KDM2B: variants seen among roughly 807,000 people sequenced by gnomAD.
The protein encoded by KDM2B is lysine-specific demethylase 2B.
KDM2B carries 26 observed loss-of-function variants against 150.0 expected under a neutral mutation model. The observed-to-expected ratio is 0.17, with a 90% confidence interval of 0.13 to 0.24. The LOEUF (loss-of-function observed/expected upper bound fraction) is 0.24, where lower values mean the gene tolerates loss of function less well. Among genes scored for constraint, KDM2B ranks in the 10% least tolerant of loss-of-function variants. The pLI is 1.00. For synonymous variants in KDM2B, 734 were observed against 729.5 expected, an observed-to-expected ratio of 1.01 and a Z score of -0.10; for missense variants, 1,265 against 1,816.9, an observed-to-expected ratio of 0.70 and a Z score of 5.52.
At chr12:121,432,667 C>T (rs1873258599) in intron 22 of KDM2B, among the ~76,000 whole-genome samples, 1 of 152,230 alleles carries the variant, frequency 6.6e-6, no homozygotes, top group Non-Finnish European at 1.5e-5. Context: ...TCAGGCTAGA[C>T]ATTTTCAGCA....
chr12:121,558,748 C>T (rs1890101850), intron 4 of KDM2B, among the ~76,000 whole-genome samples: 2 of 152,126 alleles, frequency 1.3e-5, no homozygotes, highest in Admixed American at 6.6e-5. Context: ...AGACACTGCG[C>T]CCAGCCTAAT....
the KDM2B span, among the ~76,000 whole-genome samples, chr12:121,421,541 C>G: frequency 6.6e-6 from 1 of 151,576 alleles, no homozygotes; most frequent in African/African-American, 2.4e-5. Context: ...TGTCTCAAAA[C>G]AAAACAAAAC....
intron 12 of KDM2B, among the ~76,000 whole-genome samples, chr12:121,457,861 T>G (rs1878509841): frequency 6.6e-6 from 1 of 152,096 alleles, no homozygotes; most frequent in Non-Finnish European, 1.5e-5. Context: ...GTTTATTCAT[T>G]CATCCCACCA....
At chr12:121,475,393 C>G (rs1881254423) in intron 12 of KDM2B, among the ~76,000 whole-genome samples, 1 of 151,866 alleles carries the variant, frequency 6.6e-6, no homozygotes, top group Admixed American at 6.6e-5. Context: ...AGCTTGAGAC[C>G]AGCCTGGGCA....
the KDM2B span, chr12:121,420,689 T>C: frequency 6.2e-6 from 10 of 1,614,050 alleles, no homozygotes; most frequent in Non-Finnish European, 8.5e-6. Context: ...GCTCGGAATT[T>C]TGTCAACTAT....
At chr12:121,496,922 TAG>T (rs1884024593) in intron 11 of KDM2B, among the ~76,000 whole-genome samples, 1 of 151,186 alleles carries the variant, frequency 6.6e-6, no homozygotes, top group African/African-American at 2.4e-5. Context: ...GCTGGGATTA[TAG>T]GTGTGAGCCT....
rs1390152245 is a variant in KDM2B, at chr12:121,466,724, G to A, written c.1735-13380C>T. Among the ~76,000 whole-genome samples, 67 of 150,072 alleles carry A rather than the reference G, an allele frequency of 4.5e-4. 1 individual carries two copies. The highest frequency in any genetic ancestry group is 8.8e-4 in the Non-Finnish European group (59 of 67,248). ...GTCCTGGCACAACTTTGCGAACGCA[G>A]AGGCAGGAGGTGCCGGCGCCCGCGG... On this transcript the variant is annotated intron_variant, in intron 12 of 22. Coordinates refer to ENST00000377071, the MANE Select transcript of KDM2B (RefSeq NM_032590.5).
At position 121,509,912 on chromosome 12, in the gene KDM2B, C is replaced by G; in HGVS notation, c.1302G>C (p.Arg434Ser). 1 of 1,612,522 alleles carries G rather than the reference C, an allele frequency of 6.2e-7. No individual in the cohort carries two copies. The highest frequency in any genetic ancestry group is 8.5e-7 in the Non-Finnish European group (1 of 1,179,672). ...AGCCATCGGTGGGCGGTTTGGGTGC[C>G]CTGTCCCTGCCCTCGCCCTCCTCGT... Reference protein sequence around the residue: ...EKDEEGEGRDRAPKPPTDGST... With the variant: ...EKDEEGEGRDSAPKPPTDGST... Residue 434 changes from arginine to serine, a missense_variant, in exon 11 of 23, where the codon AGG becomes AGC. Physicochemically the swap from Arg to Ser is moderately radical, Grantham distance 110. Around this residue, in one of 11 missense-constraint regions of KDM2B, gnomAD observed 154 missense variants for 162.5 expected, o/e 0.95. Coordinates refer to ENST00000377071, the MANE Select transcript of KDM2B (RefSeq NM_032590.5).
At chr12:121,530,769 C>G (rs910342380) in intron 8 of KDM2B, among the ~76,000 whole-genome samples, 6 of 152,082 alleles carry the variant, frequency 3.9e-5, no homozygotes, top group Non-Finnish European at 7.4e-5. Context: ...AGACCTCCCC[C>G]AGCTTGCTTA....
chr12:121,502,788 C>T (rs1478327379), intron 11 of KDM2B, among the ~76,000 whole-genome samples: 1 of 111,134 alleles, frequency 9.0e-6, no homozygotes, highest in African/African-American at 3.7e-5. Context: ...AAAAAAAAAA[C>T]TTAAATGAAC....
At chr12:121,553,090 G>A (rs1555312087) in intron 4 of KDM2B, among the ~76,000 whole-genome samples, 1 of 151,846 alleles carries the variant, frequency 6.6e-6, no homozygotes, top group Non-Finnish European at 1.5e-5. Context: ...AAATCCGCCG[G>A]GTGTGGTGGC....
At chr12:121,480,583 C>CAAA (rs35490517) in intron 12 of KDM2B, among the ~76,000 whole-genome samples, 1,182 of 63,124 alleles carry the variant, frequency 0.019, 15 homozygotes, top group Non-Finnish European at 0.026. Context: ...CTGTCGCTAC[C>CAAA]AAAAAAAAAA....
chr12:121,523,435 G>A (rs529402898), intron 8 of KDM2B, among the ~76,000 whole-genome samples: 3 of 152,222 alleles, frequency 2.0e-5, no homozygotes, highest in Admixed American at 6.5e-5. Flanking sequence ...CCTGGAGGCC[G>A]CTGTCCCCTC....
At chr12:121,434,840 C>A (rs1271895870) in intron 22 of KDM2B, among the ~76,000 whole-genome samples, 1 of 152,026 alleles carries the variant, frequency 6.6e-6, no homozygotes, top group African/African-American at 2.4e-5. Context: ...GCCTGTAGTC[C>A]CAGCTACTTG....
chr12:121,524,714 A>G (rs1886986574), intron 8 of KDM2B: 1 of 454,046 alleles, frequency 2.2e-6, no homozygotes, highest in Non-Finnish European at 4.4e-6. Context: ...AGGAAGCATG[A>G]GAGCCGGTGC....
intron 11 of KDM2B, among the ~76,000 whole-genome samples, chr12:121,499,314 T>G (rs1210230127): frequency 2.0e-5 from 3 of 149,940 alleles, no homozygotes; most frequent in Non-Finnish European, 4.4e-5. Flanking sequence ...TAGAGACAGG[T>G]TTCACCATGT....
intron 13 of KDM2B, among the ~76,000 whole-genome samples, chr12:121,448,326 A>C (rs1186760611): frequency 2.0e-5 from 3 of 150,942 alleles, no homozygotes; most frequent in East Asian, 3.9e-4. Context: ...TCTCAAAAAA[A>C]AAAAAAAAAA....
intron 8 of KDM2B, among the ~76,000 whole-genome samples, chr12:121,523,249 A>C (rs1423370185): frequency 6.6e-6 from 1 of 152,184 alleles, no homozygotes; most frequent in Non-Finnish European, 1.5e-5. Context: ...GTCCCGGGGG[A>C]AAGGCTGGGA....
At position 121,520,410 on chromosome 12, in the gene KDM2B, G is replaced by A. The variant is rs762142816; in HGVS notation, c.1047+575C>T. On this transcript the variant is annotated intron_variant, in intron 9 of 22. Coordinates refer to ENST00000377071, the MANE Select transcript of KDM2B (RefSeq NM_032590.5). This position sits in a 1 kb window ranked among gnomAD's most constrained non-coding sequence, Gnocchi z 4.5. The stretch of plus-strand genomic sequence containing the variant: ...ACTTGACGTCTGGGAAACTAGCACC[G>A]TCCCTGTCAAGGGCAGAGAAAAGCC... Among the ~76,000 whole-genome samples, 42 of 152,086 alleles carry A rather than the reference G, an allele frequency of 2.8e-4. No individual in the cohort carries two copies. The highest frequency in any genetic ancestry group is 5.6e-4 in the Non-Finnish European group (38 of 68,006).
Sources: gnomAD v4.1 joint callset for allele counts (sites outside exome capture counted in the v4.1 genomes callset) on GRCh38, gnomAD v4.1.1 for gene constraint, gnomAD v4.1.1 regional missense constraint, Gnocchi (gnomAD v3.1) non-coding constraint, MANE v1.5 for transcripts, NCBI Gene and HGNC (gene_info 2026-07-23, HGNC 2026-07-21) for gene names.